The following CCDC7 variants were observed in gnomAD, a reference collection of about 807,000 sequenced individuals.
CCDC7 encodes the protein coiled-coil domain-containing protein 7.
In CCDC7, 183 loss-of-function variants were observed where a neutral mutation model predicts 196.9. The observed-to-expected ratio is 0.93, with a 90% CI of 0.82 to 1.05. CCDC7 has a LOEUF of 1.05. CCDC7 is among the 50% of genes least tolerant of loss of function. The pLI, the probability that CCDC7 is intolerant of heterozygous loss-of-function variation, is 0.00. For synonymous variants in CCDC7, 525 were observed against 484.6 expected (o/e 1.08, Z -1.10); for missense variants, 1,540 against 1,482.2 (o/e 1.04, Z -0.64).
intron 28 of CCDC7, among the ~76,000 whole-genome samples, chr10:32,730,568 A>G (rs1254977585): frequency 6.6e-6 from 1 of 151,976 alleles, no homozygotes; most frequent in Non-Finnish European, 1.5e-5. Context: ...ATGTTTACAA[A>G]TAAAATATAT....
rs183162191 is a variant in CCDC7 at position 32,517,633 on chromosome 10, G to C, written c.873-312G>C. Reference sequence around the variant, plus strand: ...GGGACTGTTATGGGGTGGGGGGAGGGGGGAGGGATAGCATTAGGAGATATA... The same window carrying C: ...GGGACTGTTATGGGGTGGGGGGAGGCGGGAGGGATAGCATTAGGAGATATA... On this transcript the variant is annotated intron_variant, in intron 9 of 41. Coordinates refer to ENST00000639629, the Ensembl canonical transcript of CCDC7. Among the ~76,000 whole-genome samples the C allele has an allele frequency of 2.3e-3, 239 of 102,780 alleles. 7 individuals carry two copies. The Admixed American group carries it at 0.026, about 11-fold the overall frequency. The allele number at this position is 102,780 out of a possible 152,430, so 67.4% of individuals were successfully genotyped here.
intron 3 of CCDC7, among the ~76,000 whole-genome samples, chr10:32,459,673 T>TG (rs2035194009): frequency 7.4e-6 from 1 of 135,738 alleles, no homozygotes; most frequent in African/African-American, 2.6e-5. Context: ...TTTTTTTTTT[T>TG]GCTGTTAGCA....
At chr10:32,851,896 G>C (rs1270512838) in exon 40 of CCDC7, 2 of 1,609,502 alleles carry the variant, frequency 1.2e-6, no homozygotes, top group Non-Finnish European at 1.7e-6. Flanking sequence ...CTTTTCTAAA[G>C]ACATCCACCT....
chr10:32,817,754 G>A (rs1216562461), intron 31 of CCDC7, among the ~76,000 whole-genome samples: 1 of 152,130 alleles, frequency 6.6e-6, no homozygotes, highest in Admixed American at 6.6e-5. Flanking sequence ...ATAAGTGAAG[G>A]AGAAATAAAA....
chr10:32,845,093 A>T (rs1458728440), intron 33 of CCDC7, 150 bp from the exon 35 acceptor site: 1 of 474,836 alleles, frequency 2.1e-6, no homozygotes, highest in African/African-American at 2.0e-5. Flanking sequence ...TAAATTAAGT[A>T]TGAACCTTTA....
rs1200214324 is a variant in CCDC7, at chr10:32,828,461, A to AGAAGAGGAAGAG, written c.3268+3875_3268+3886dup. 2.8e-3 allele frequency among the ~76,000 whole-genome samples: 198 copies of AGAAGAGGAAGAG among 70,716 alleles called. 11 individuals carry two copies. The highest frequency in any genetic ancestry group is 5.0e-3 in the Non-Finnish European group (145 of 29,250). The allele number at this position is 70,716 out of a possible 152,430, so 46.4% of individuals were successfully genotyped here. ...AAGGAGAAGAAGAAGAAGAAGAAGA[A>AGAAGAGGAAGAG]GAAGAGGAAGAGGAAGAGGAAGAGG... On this transcript the variant is annotated intron_variant, in intron 32 of 41. Coordinates refer to ENST00000639629, the Ensembl canonical transcript of CCDC7.
At chr10:32,836,058 C>A (rs866202692) in intron 33 of CCDC7, among the ~76,000 whole-genome samples, 23 of 152,024 alleles carry the variant, frequency 1.5e-4, no homozygotes, top group Middle Eastern at 3.2e-3. Context: ...CAGTTGTGTT[C>A]CACAATTCAG....
chr10:32,575,828 A>G (rs915664504), intron 16 of CCDC7, among the ~76,000 whole-genome samples: 4 of 152,166 alleles, frequency 2.6e-5, no homozygotes, highest in African/African-American at 9.7e-5. Context: ...TCTCTCCATC[A>G]GCCCTGGCTG....
chr10:32,552,292 T>C (rs910963986), intron 13 of CCDC7, among the ~76,000 whole-genome samples: 7 of 152,184 alleles, frequency 4.6e-5, no homozygotes, highest in African/African-American at 1.7e-4. Context: ...TGCGAGTCCT[T>C]ATGTGTTAGC....
At chr10:32,823,878 G>T (rs960422205) in intron 31 of CCDC7, among the ~76,000 whole-genome samples, 16 of 152,266 alleles carry the variant, frequency 1.1e-4, no homozygotes, top group Middle Eastern at 6.8e-3. Context: ...CAGCTGTAAA[G>T]TCCGCCTGCT....
At chr10:32,529,947 A>G (rs1032845421) in intron 11 of CCDC7, among the ~76,000 whole-genome samples, 5 of 152,144 alleles carry the variant, frequency 3.3e-5, no homozygotes, top group African/African-American at 4.8e-5. Flanking sequence ...TGATTTTTGT[A>G]TAAGGTGAAA....
rs753769301 is a variant in CCDC7 at position 32,640,864 on chromosome 10, C to CTTTTTTTTTTTTTT, written c.2014+5717_2014+5718insTTTTTTTTTTTTTT. On this transcript the variant is annotated intron_variant, in intron 20 of 41. Coordinates refer to ENST00000639629, the Ensembl canonical transcript of CCDC7. ...CAGTCTCTTCTGGCTTGTAGATTTT[C>CTTTTTTTTTTTTTT]TTTTTTTTTTTCTTTTTTTTTTTAT... Among the ~76,000 whole-genome samples the CTTTTTTTTTTTTTT allele has an allele frequency of 7.9e-4, 59 of 74,528 alleles. 1 individual carries two copies. The highest frequency in any genetic ancestry group is 0.011 in the Middle Eastern group (1 of 90). 48.9% of individuals were successfully genotyped at this position (74,528 alleles called of 152,430 possible). A position where few individuals can be genotyped will look rare whatever the true frequency, so the allele number is the denominator to read the frequency against.
At chr10:32,851,087 G>T (rs2093548334) in intron 39 of CCDC7, among the ~76,000 whole-genome samples, 5 of 151,968 alleles carry the variant, frequency 3.3e-5, no homozygotes, top group Admixed American at 3.3e-4. Context: ...CTTTATTTCT[G>T]CTTTGATCTT....
At chr10:32,511,537 C>T (rs2046205880) in intron 9 of CCDC7, 8 of 1,608,498 alleles carry the variant, frequency 5.0e-6, no homozygotes, top group South Asian at 4.4e-5. Context: ...CCAAATAAAC[C>T]CAAAACATTG....
chr10:32,757,565 A>T (rs1411410340), intron 28 of CCDC7, among the ~76,000 whole-genome samples: 1 of 152,262 alleles, frequency 6.6e-6, no homozygotes, highest in Non-Finnish European at 1.5e-5. Context: ...GAAAACAAAG[A>T]TACAACATAC....
chr10:32,802,627 G>A (rs2085036036), intron 29 of CCDC7, among the ~76,000 whole-genome samples: 1 of 152,134 alleles, frequency 6.6e-6, no homozygotes, highest in African/African-American at 2.4e-5. Flanking sequence ...ATCAAAAGGT[G>A]AGGTTCCTCA....
intron 18 of CCDC7, chr10:32,623,725 C>T (rs757261810): frequency 2.1e-6 from 1 of 469,636 alleles, no homozygotes; most frequent in Non-Finnish European, 4.4e-6. Context: ...GTAGGCAGTA[C>T]AAGAAACATG....
chr10:32,723,809 G>C (rs940790126), intron 25 of CCDC7, among the ~76,000 whole-genome samples: 2 of 151,894 alleles, frequency 1.3e-5, no homozygotes, highest in African/African-American at 4.8e-5. Flanking sequence ...AACTCCAAAG[G>C]GCTCTACATT....
At chr10:32,778,486 T>C (rs1178790776) in intron 28 of CCDC7, among the ~76,000 whole-genome samples, 3 of 152,164 alleles carry the variant, frequency 2.0e-5, no homozygotes, top group Admixed American at 6.5e-5. Flanking sequence ...GATCATATGA[T>C]TGTAGGTATG....
Sources: allele counts gnomAD v4.1 joint callset (sites outside exome capture counted in the v4.1 genomes callset), GRCh38; gene constraint gnomAD v4.1.1; transcripts MANE v1.5; gene names NCBI Gene and HGNC (gene_info 2026-07-23, HGNC 2026-07-21).